SLC7A9: variants seen among roughly 807,000 people sequenced by gnomAD.
SLC7A9 encodes solute carrier family 7 member 9.
A neutral mutation model predicts 54.1 loss-of-function variants in SLC7A9; 38 were observed. The observed-to-expected ratio is 0.70, with a 90% confidence interval of 0.54 to 0.92. SLC7A9 has a LOEUF of 0.92. SLC7A9 is among the 40% of genes least tolerant of loss of function. SLC7A9 has a pLI of 0.00. For synonymous variants in SLC7A9, 264 were observed against 258.9 expected (o/e 1.02, Z -0.19); for missense variants, 537 against 636.1 (o/e 0.84, Z 1.68).
In SLC7A9 at chr19:32,862,483, G is replaced by C; in HGVS notation, c.582C>G (p.Ser194Arg). Residue 194 changes from serine (S) to arginine (R), a missense_variant, in exon 5 of 13, where the codon AGC (serine) becomes AGG (arginine). Physicochemically the swap from Ser to Arg is moderately radical, Grantham distance 110. Transcript: ENST00000023064. ...CACCTTGGGCCAGGAGCACCAGCCC[G>C]CTGATGATGATGATGGCCACGATCA... is the stretch of plus-strand genomic sequence containing the variant. The part of the protein sequence containing the change: ...KLVIVAIIII[S>R]GLVLLAQGNT... The C allele has an allele frequency of 6.2e-7, 1 of 1,613,162 alleles. No individual in the cohort carries two copies. The highest frequency in any genetic ancestry group is 8.5e-7 in the Non-Finnish European group (1 of 1,180,004).
chr19:32,866,499 A>G (rs1346182018), intron 2 of SLC7A9, among the ~76,000 whole-genome samples: 1 of 152,156 alleles, frequency 6.6e-6, no homozygotes, highest in African/African-American at 2.4e-5. Flanking sequence ...ATCATGACTC[A>G]CTGCAGCCTC....
At chr19:32,864,472 G>A in intron 3 of SLC7A9, 134 bp from the exon 4 acceptor site, 4 of 1,503,176 alleles carry the variant, frequency 2.7e-6, no homozygotes, top group Non-Finnish European at 3.6e-6. Flanking sequence ...ACGGCCCTGA[G>A]CTCCAGCGTT....
At chr19:32,862,363 C>T in intron 5 of SLC7A9, 98 bp downstream of exon 5, 1 of 1,561,742 alleles carries the variant, frequency 6.4e-7, no homozygotes, top group Non-Finnish European at 8.8e-7. Context: ...TCCTGCCATG[C>T]TTCCTTGGAG....
At chr19:32,830,817 G>T (rs972985879) in intron 12 of SLC7A9, 133 bp from the exon 13 acceptor site, 1 of 686,872 alleles carries the variant, frequency 1.5e-6, no homozygotes, top group Admixed American at 2.1e-5. Flanking sequence ...GCTCAGGATG[G>T]CCAGCTTTCC....
chr19:32,841,076 C>T (rs1342311096), intron 11 of SLC7A9, among the ~76,000 whole-genome samples: 3 of 152,162 alleles, frequency 2.0e-5, no homozygotes, highest in African/African-American at 4.8e-5. Context: ...TGTGCCATGA[C>T]TCAGCTGATG....
intron 4 of SLC7A9, chr19:32,863,098 T>C (rs567772547): frequency 6.6e-6 from 1 of 152,312 alleles, no homozygotes; most frequent in East Asian, 2.0e-4. Context: ...TATCCAATTT[T>C]TGTAATTTTA....
chr19:32,866,307 C>G (rs961673669), intron 2 of SLC7A9, among the ~76,000 whole-genome samples: 2 of 152,146 alleles, frequency 1.3e-5, no homozygotes, highest in African/African-American at 2.4e-5. Context: ...CTCAGCCCTG[C>G]CCAGGACTGG....
intron 9 of SLC7A9, among the ~76,000 whole-genome samples, chr19:32,857,329 A>C (rs576544789): frequency 6.6e-6 from 1 of 152,186 alleles, no homozygotes; most frequent in Non-Finnish European, 1.5e-5. Flanking sequence ...CTGTGGTCCC[A>C]GCTATTCCAG....
chr19:32,848,239 G>A (rs1399433588), intron 9 of SLC7A9, among the ~76,000 whole-genome samples: 24 of 152,120 alleles, frequency 1.6e-4, no homozygotes, highest in African/African-American at 5.3e-4. Context: ...GACACAGACT[G>A]GCAAATTGGA....
chr19:32,831,616 C>A (rs1967797745), intron 12 of SLC7A9, among the ~76,000 whole-genome samples: 1 of 152,158 alleles, frequency 6.6e-6, no homozygotes, highest in Non-Finnish European at 1.5e-5. Context: ...AGGTGTAATT[C>A]CGTCTCTTTT....
At chr19:32,838,213 T>G (rs1023084813) in intron 11 of SLC7A9, among the ~76,000 whole-genome samples, 4 of 152,132 alleles carry the variant, frequency 2.6e-5, no homozygotes, top group Non-Finnish European at 4.4e-5. Flanking sequence ...ATAGGTAGGG[T>G]CCTTTACAGT....
At chr19:32,835,500 A>G (rs1334868231) in intron 11 of SLC7A9, among the ~76,000 whole-genome samples, 2 of 152,210 alleles carry the variant, frequency 1.3e-5, no homozygotes, top group Non-Finnish European at 2.9e-5. Flanking sequence ...AGAAATGAAC[A>G]ATTTTCTAGG....
chr19:32,854,278 T>C (rs1458857826), intron 9 of SLC7A9, among the ~76,000 whole-genome samples: 1 of 151,982 alleles, frequency 6.6e-6, no homozygotes, highest in African/African-American at 2.4e-5. Flanking sequence ...CCTCCCAAAG[T>C]GCTTTGATTA....
chr19:32,864,781 G>A lies in SLC7A9; in HGVS notation c.88-5C>T. On this transcript the variant is annotated splice_polypyrimidine_tract_variant and splice_region_variant and intron_variant, in intron 2 of 12. Transcript: ENST00000023064. Reference sequence around the variant, plus strand: ...GATGCCACTGATGAGGCCCAGCTGGGTGTGGAGGAAGGAAGAGGGCGTTAG... The same window carrying A: ...GATGCCACTGATGAGGCCCAGCTGGATGTGGAGGAAGGAAGAGGGCGTTAG... The A allele has an allele frequency of 1.9e-6, 3 of 1,614,108 alleles. No individual in the cohort carries two copies. The highest frequency in any genetic ancestry group is 2.5e-6 in the Non-Finnish European group (3 of 1,180,022).
At chr19:32,831,198 CAAAAA>C (rs764102535) in intron 12 of SLC7A9, 1 of 92,342 alleles carries the variant, frequency 1.1e-5, no homozygotes, top group African/African-American at 4.2e-5. Flanking sequence ...ACTAAAAATA[CAAAAA>C]AAAAAAAAAG....
At chr19:32,854,779 G>C (rs1414680163) in intron 9 of SLC7A9, among the ~76,000 whole-genome samples, 9 of 152,066 alleles carry the variant, frequency 5.9e-5, no homozygotes, top group Non-Finnish European at 8.8e-5. Context: ...GTAGAGACAG[G>C]GTTTCACCAT....
intron 9 of SLC7A9, among the ~76,000 whole-genome samples, chr19:32,857,933 C>T (rs1444374356): frequency 1.3e-5 from 2 of 152,204 alleles, no homozygotes; most frequent in Non-Finnish European, 2.9e-5. Flanking sequence ...ATGCAGCCTG[C>T]GAGCCTGGAA....
At chr19:32,834,137 T>A (rs1419390835) in intron 11 of SLC7A9, among the ~76,000 whole-genome samples, 1 of 152,124 alleles carries the variant, frequency 6.6e-6, no homozygotes, top group Non-Finnish European at 1.5e-5. Flanking sequence ...GAAGGTCCTG[T>A]GCGGGGCGGC....
chr19:32,846,833 C>T (rs1968312179), intron 9 of SLC7A9, among the ~76,000 whole-genome samples: 1 of 152,198 alleles, frequency 6.6e-6, no homozygotes, highest in African/African-American at 2.4e-5. Flanking sequence ...TCCAGAGGAA[C>T]AATCAGGCAG....
Sources: allele counts gnomAD v4.1 joint callset (sites outside exome capture counted in the v4.1 genomes callset), GRCh38; gene constraint gnomAD v4.1.1; transcripts MANE v1.5; gene names NCBI Gene and HGNC (gene_info 2026-07-23, HGNC 2026-07-21).